CDH8: variants seen among roughly 807,000 people sequenced by gnomAD.
The protein encoded by CDH8 is cadherin 8, also known as cadherin-8.
A neutral mutation model predicts 68.1 loss-of-function variants in CDH8; 17 were observed. The observed-to-expected ratio is 0.25, with a 90% confidence interval of 0.17 to 0.37. CDH8 has a LOEUF of 0.37. CDH8 is among the 10% of genes least tolerant of loss of function. The pLI is 1.00. For missense variants in CDH8, 763 were observed against 999.3 expected (o/e 0.76, Z 3.19); for synonymous variants, 372 against 365.1 (o/e 1.02, Z -0.21).
intron 1 of CDH8, among the ~76,000 whole-genome samples, chr16:62,026,880 A>G (rs1025344958): frequency 1.3e-5 from 2 of 152,244 alleles, no homozygotes; most frequent in African/African-American, 4.8e-5. Context: ...GCTTTGTAGA[A>G]ACTTGTGAGA....
At chr16:61,688,471 T>C (rs1964149707) in intron 10 of CDH8, among the ~76,000 whole-genome samples, 1 of 151,986 alleles carries the variant, frequency 6.6e-6, no homozygotes, top group African/African-American at 2.4e-5. Context: ...TTGCCCTTTT[T>C]ATGAGTGCTT....
chr16:61,780,545 G>A (rs1961023177), intron 8 of CDH8, among the ~76,000 whole-genome samples: 1 of 152,214 alleles, frequency 6.6e-6, no homozygotes, highest in African/African-American at 2.4e-5. Flanking sequence ...AGCATTCTGA[G>A]AGTCATTTTA....
At chr16:61,807,982 G>C (rs1028862977) in intron 7 of CDH8, among the ~76,000 whole-genome samples, 1 of 152,162 alleles carries the variant, frequency 6.6e-6, no homozygotes, top group Non-Finnish European at 1.5e-5. Flanking sequence ...AAGAATATGT[G>C]TAATTCAGGG....
chr16:61,743,236 T>C (rs1403975607), intron 8 of CDH8: 1 of 152,160 alleles, frequency 6.6e-6, no homozygotes, highest in Non-Finnish European at 1.5e-5. Flanking sequence ...CTCCTACAAA[T>C]GAAGCTTGAG....
intron 8 of CDH8, among the ~76,000 whole-genome samples, chr16:61,731,613 A>G (rs1959538144): frequency 6.6e-6 from 1 of 151,846 alleles, no homozygotes; most frequent in East Asian, 1.9e-4. Flanking sequence ...AAAACAATTC[A>G]GCAAGTCACA....
Position 61,648,593 on chromosome 16 carries a change from A to T in CDH8, c.*5015T>A, listed in dbSNP as rs935624767. 6.6e-6 allele frequency: 1 copy of T among 151,330 alleles called. No individual in the cohort carries two copies. Among genetic ancestry groups the T allele is most frequent in the South Asian group, 2.1e-4 (1 of 4,776 alleles). 9.4% of individuals were successfully genotyped at this position (151,330 alleles called of 1,614,324 possible). Reference sequence around the variant, plus strand: ...TCAACCAAACTTAAACCCAGACTCAAATAGTATTTATCCATAGATAAAAAA... The same window carrying T: ...TCAACCAAACTTAAACCCAGACTCATATAGTATTTATCCATAGATAAAAAA... On this transcript the variant is annotated 3_prime_UTR_variant, in exon 12 of 12. Coordinates refer to ENST00000577390, the MANE Select transcript of CDH8 (RefSeq NM_001796.5).
At chr16:61,718,822 TAAAAC>T (rs1325331149) in intron 9 of CDH8, among the ~76,000 whole-genome samples, 7 of 150,834 alleles carry the variant, frequency 4.6e-5, no homozygotes, top group African/African-American at 1.5e-4. Context: ...CATAACTGAA[TAAAAC>T]AAAACAAAAT....
At chr16:61,992,075 T>TGTGTGTGTGTGA (rs1194559572) in intron 2 of CDH8, among the ~76,000 whole-genome samples, 2 of 127,868 alleles carry the variant, frequency 1.6e-5, no homozygotes, top group East Asian at 3.2e-4. Context: ...TGTGTGTGTG[T>TGTGTGTGTGTGA]GTGAGAGAGA....
chr16:61,855,393 A>G (rs1963023128), intron 4 of CDH8, among the ~76,000 whole-genome samples: 1 of 152,158 alleles, frequency 6.6e-6, no homozygotes, highest in South Asian at 2.1e-4. Context: ...TTCCTAAGAA[A>G]CAAATTATCT....
chr16:62,032,352 G>A (rs565169046), intron 1 of CDH8, among the ~76,000 whole-genome samples: 3 of 151,954 alleles, frequency 2.0e-5, no homozygotes, highest in African/African-American at 2.4e-5. Flanking sequence ...ATTTGCGTGC[G>A]TGTGTGTGTG....
Position 61,650,385 on chromosome 16 carries a change from CTT to C in CDH8, c.*3221_*3222del, listed in dbSNP as rs1400993540. 6.6e-6 allele frequency: 1 copy of C among 152,038 alleles called. No homozygotes were observed. Among genetic ancestry groups the C allele is most frequent in the Non-Finnish European group, 1.5e-5 (1 of 68,000 alleles). 9.4% of individuals were successfully genotyped at this position (152,038 alleles called of 1,614,324 possible). A position where few individuals can be genotyped will look rare whatever the true frequency, so the allele number is the denominator to read the frequency against. ...TTGTGAGGTAGGCAGAGGGAGATAA[CTT>C]TGTCTCACTTGGCTCCAACTTAATC... is the stretch of plus-strand genomic sequence containing the variant. On this transcript the variant is annotated 3_prime_UTR_variant, in exon 12 of 12. Transcript: ENST00000577390.
chr16:61,726,265 C>A (rs556511965), intron 9 of CDH8: 1 of 150,970 alleles, frequency 6.6e-6, no homozygotes, highest in South Asian at 2.1e-4. Context: ...CTTAAACATA[C>A]AGTACTTTGG....
chr16:61,809,375 A>T (rs1232064954), intron 7 of CDH8, among the ~76,000 whole-genome samples: 6 of 152,114 alleles, frequency 3.9e-5, no homozygotes, highest in Non-Finnish European at 5.9e-5. Context: ...CATAAGTGGG[A>T]GTTGAACAAT....
intron 2 of CDH8, chr16:61,918,529 T>A (rs1408107690): frequency 6.5e-6 from 1 of 152,982 alleles, no homozygotes; most frequent in African/African-American, 2.4e-5. Flanking sequence ...GGGAGTTCCC[T>A]TTCCGAGTCA....
intron 2 of CDH8, among the ~76,000 whole-genome samples, chr16:61,989,866 C>T (rs16942585): frequency 0.16 from 24,104 of 152,128 alleles, 3,369 homozygotes; most frequent in African/African-American, 0.38. Flanking sequence ...TATTATATAA[C>T]TTGTCCAAGC....
At chr16:61,735,365 GA>G (rs2142911431) in intron 8 of CDH8, among the ~76,000 whole-genome samples, 1 of 152,068 alleles carries the variant, frequency 6.6e-6, no homozygotes, top group African/African-American at 2.4e-5. Context: ...AGAAAACAGA[GA>G]TATGCGACAT....
intron 10 of CDH8, among the ~76,000 whole-genome samples, chr16:61,691,148 T>G (rs1486516242): frequency 2.6e-5 from 4 of 152,122 alleles, no homozygotes; most frequent in South Asian, 2.1e-4. Flanking sequence ...CCAGGTTAAC[T>G]TCCTTCAGAA....
intron 8 of CDH8, among the ~76,000 whole-genome samples, chr16:61,762,944 A>G (rs1960505886): frequency 6.6e-6 from 1 of 152,100 alleles, no homozygotes; most frequent in South Asian, 2.1e-4. Context: ...GCCTTAGAGT[A>G]TTTGCTGAAC....
intron 10 of CDH8, among the ~76,000 whole-genome samples, chr16:61,658,634 T>C (rs1184843982): frequency 6.6e-6 from 1 of 152,078 alleles, no homozygotes; most frequent in Non-Finnish European, 1.5e-5. Flanking sequence ...TTCTTATGTA[T>C]GAAAACTTTA....
Sources: gnomAD v4.1 joint callset for allele counts (sites outside exome capture counted in the v4.1 genomes callset) on GRCh38, gnomAD v4.1.1 for gene constraint, MANE v1.5 for transcripts, NCBI Gene and HGNC (gene_info 2026-07-23, HGNC 2026-07-21) for gene names.